Variants in MAD1L1 observed in about 807,000 individuals in gnomAD.
MAD1L1 encodes mitotic arrest deficient 1 like 1, also known as mitotic spindle assembly checkpoint protein MAD1.
MAD1L1 carries 95 observed loss-of-function variants against 96.9 expected under a neutral mutation model. The observed-to-expected ratio is 0.98, with a 90% CI of 0.83 to 1.16. The LOEUF is 1.16. Among genes scored for constraint, MAD1L1 ranks in the 50% most tolerant of loss-of-function variants. The pLI, the probability that MAD1L1 is intolerant of heterozygous loss-of-function variation, is 0.00. For missense variants in MAD1L1, 1,007 were observed against 954.4 expected (o/e 1.06, Z -0.73); for synonymous variants, 473 against 396.6 (o/e 1.19, Z -2.29).
At chr7:1,957,792 TAAG>T in intron 15 of MAD1L1, 73 bp from the exon 16 acceptor site, 2 of 1,409,946 alleles carry the variant, frequency 1.4e-6, no homozygotes, top group East Asian at 2.3e-5. Flanking sequence ...CTCTGGGTGA[TAAG>T]GAGGTGAAAG....
At chr7:2,182,489 T>TG (rs1024881221) in intron 10 of MAD1L1, among the ~76,000 whole-genome samples, 6 of 151,030 alleles carry the variant, frequency 4.0e-5, no homozygotes, top group African/African-American at 1.5e-4. Flanking sequence ...TCAAGAGAAG[T>TG]GAAAAAAAAA....
chr7:1,828,043 T>C (rs1305692254), intron 18 of MAD1L1, among the ~76,000 whole-genome samples: 2 of 151,990 alleles, frequency 1.3e-5, no homozygotes, highest in Non-Finnish European at 2.9e-5. Flanking sequence ...GCCCCTCTTA[T>C]GTGCTGTGGG....
intron 11 of MAD1L1, among the ~76,000 whole-genome samples, chr7:2,100,257 A>C (rs549578283): frequency 2.4e-4 from 37 of 152,378 alleles, no homozygotes; most frequent in African/African-American, 8.7e-4. Flanking sequence ...GTTTCTGAGC[A>C]GAGCTAGGAA....
chr7:2,086,491 T>C (rs904824603), intron 11 of MAD1L1, among the ~76,000 whole-genome samples: 1 of 152,018 alleles, frequency 6.6e-6, no homozygotes, highest in African/African-American at 2.4e-5. Context: ...ACACGGCCTC[T>C]GCCCATGGGA....
chr7:2,027,196 AAAAT>A (rs1783031395), intron 12 of MAD1L1, among the ~76,000 whole-genome samples: 1 of 152,210 alleles, frequency 6.6e-6, no homozygotes, highest in Non-Finnish European at 1.5e-5. Context: ...CAAAGCTATT[AAAAT>A]AAATCAAGCC....
At chr7:1,959,183 T>G (rs1287352075) in intron 15 of MAD1L1, among the ~76,000 whole-genome samples, 6 of 151,990 alleles carry the variant, frequency 3.9e-5, no homozygotes, top group Non-Finnish European at 2.9e-5. Context: ...ACCCAGGGGG[T>G]GGAGGCTGCA....
chr7:2,004,607 C>A (rs963358257), intron 13 of MAD1L1, among the ~76,000 whole-genome samples: 1 of 152,216 alleles, frequency 6.6e-6, no homozygotes, highest in Admixed American at 6.5e-5. Flanking sequence ...GAGCCGTGAC[C>A]ACGGTGGCCA....
intron 18 of MAD1L1, chr7:1,844,204 GA>G (rs1309281833): frequency 6.5e-6 from 1 of 154,502 alleles, no homozygotes; most frequent in Non-Finnish European, 1.5e-5. Flanking sequence ...GGGACCTGAC[GA>G]GGGTCAACAC....
chr7:2,002,428 G>A (rs553697972), intron 13 of MAD1L1, among the ~76,000 whole-genome samples: 2 of 152,350 alleles, frequency 1.3e-5, no homozygotes, highest in East Asian at 3.9e-4. Flanking sequence ...GGTGGACAGG[G>A]GTGGGCCCAA....
chr7:2,141,302 A>T (rs533235848), intron 11 of MAD1L1, among the ~76,000 whole-genome samples: 6 of 152,298 alleles, frequency 3.9e-5, no homozygotes, highest in Non-Finnish European at 8.8e-5. Context: ...CAGCCATGAC[A>T]CCCGACCATG....
chr7:1,827,068 G>A (rs1331604156), intron 18 of MAD1L1, among the ~76,000 whole-genome samples: 10 of 152,250 alleles, frequency 6.6e-5, no homozygotes, highest in Non-Finnish European at 1.0e-4. Context: ...GGGAGCCGAG[G>A]GAGTGGGGGC....
chr7:2,071,816 G>A (rs1785144235), intron 11 of MAD1L1, among the ~76,000 whole-genome samples: 1 of 152,020 alleles, frequency 6.6e-6, no homozygotes, highest in African/African-American at 2.4e-5. Flanking sequence ...AGCTAGGAGA[G>A]CTTCCACTCT....
intron 11 of MAD1L1, among the ~76,000 whole-genome samples, chr7:2,123,175 C>T (rs1246303923): frequency 6.6e-6 from 1 of 151,906 alleles, no homozygotes; most frequent in Non-Finnish European, 1.5e-5. Context: ...TGGTGGTGGG[C>T]GCCTGTAGTC....
At chr7:2,053,875 C>T (rs868196329) in intron 12 of MAD1L1, among the ~76,000 whole-genome samples, 9 of 152,350 alleles carry the variant, frequency 5.9e-5, no homozygotes, top group South Asian at 4.1e-4. Flanking sequence ...CAGGGGCACC[C>T]GATTCTAGCC....
chr7:1,910,717 C>A (rs1283062050), intron 17 of MAD1L1, among the ~76,000 whole-genome samples: 1 of 152,246 alleles, frequency 6.6e-6, no homozygotes, highest in Non-Finnish European at 1.5e-5. Flanking sequence ...CAGGTGAGAG[C>A]CTGCTCGGGC....
chr7:1,870,922 ACC>A (rs1050244499), intron 18 of MAD1L1, among the ~76,000 whole-genome samples: 1 of 142,104 alleles, frequency 7.0e-6, no homozygotes, highest in Admixed American at 6.9e-5. Flanking sequence ...GCCACGCTGA[ACC>A]CAACATACGC....
intron 14 of MAD1L1, among the ~76,000 whole-genome samples, chr7:1,981,553 CAA>C (rs1268427994): frequency 2.0e-5 from 3 of 152,098 alleles, no homozygotes. Context: ...GCCCCTGGCC[CAA>C]GTCAGAACCT....
intron 18 of MAD1L1, among the ~76,000 whole-genome samples, chr7:1,882,677 G>C (rs939945549): frequency 2.0e-5 from 3 of 152,220 alleles, no homozygotes; most frequent in Non-Finnish European, 4.4e-5. Context: ...CAGGGAGCAA[G>C]AAGGCTGCTG....
At chr7:1,838,717 G>A in intron 18 of MAD1L1, 1 of 466,920 alleles carries the variant, frequency 2.1e-6, no homozygotes, top group South Asian at 1.6e-5. Flanking sequence ...GGTGATAAAG[G>A]CATTCATTCC....
Sources: gnomAD v4.1 joint callset for allele counts (sites outside exome capture counted in the v4.1 genomes callset) on GRCh38, gnomAD v4.1.1 for gene constraint, MANE v1.5 for transcripts, NCBI Gene and HGNC (gene_info 2026-07-23, HGNC 2026-07-21) for gene names.